EPHA3: variants seen among roughly 807,000 people sequenced by gnomAD.
EPHA3 encodes the protein ephrin type-A receptor 3.
Under a neutral mutation model 107.1 loss-of-function variants are expected in EPHA3, and 42 were observed. That is an observed-to-expected ratio of 0.39 (90% CI 0.31 to 0.51). The LOEUF (loss-of-function observed/expected upper bound fraction) is 0.51. Among genes scored for constraint, EPHA3 ranks in the 20% least tolerant of loss-of-function variants. The probability of loss-of-function intolerance (pLI) is 0.78; values close to 1 mark genes in which losing one functional copy is unlikely to be tolerated. For synonymous variants in EPHA3, 461 were observed against 424.8 expected (o/e 1.09, Z -1.05); for missense variants, 1,183 against 1,211.2 (o/e 0.98, Z 0.35).
At chr3:89,437,252 T>C (rs1405344534) in intron 13 of EPHA3, among the ~76,000 whole-genome samples, 1 of 152,136 alleles carries the variant, frequency 6.6e-6, no homozygotes, top group Non-Finnish European at 1.5e-5. Flanking sequence ...ATCTAAATTA[T>C]GGCATAGTTT....
chr3:89,264,244 A>G (rs546122901), intron 3 of EPHA3, among the ~76,000 whole-genome samples: 79 of 152,248 alleles, frequency 5.2e-4, no homozygotes, highest in Admixed American at 7.8e-4. Flanking sequence ...CAATGCTGGG[A>G]TAAGTATAGG....
At chr3:89,126,922 CT>C (rs1446911759) in intron 1 of EPHA3, among the ~76,000 whole-genome samples, 2 of 151,800 alleles carry the variant, frequency 1.3e-5, no homozygotes, top group East Asian at 1.9e-4. Flanking sequence ...ATTGTTTCCT[CT>C]TTAAACCCAT....
chr3:89,196,371 T>C (rs192550734), intron 2 of EPHA3, among the ~76,000 whole-genome samples: 148 of 152,274 alleles, frequency 9.7e-4, no homozygotes, highest in Non-Finnish European at 1.7e-3. Flanking sequence ...AACACTTAAT[T>C]TTGTTTTGTT....
intron 2 of EPHA3, among the ~76,000 whole-genome samples, chr3:89,171,381 G>T (rs1705205540): frequency 6.6e-6 from 1 of 152,142 alleles, no homozygotes; most frequent in South Asian, 2.1e-4. Context: ...TCTAAAGAAG[G>T]TGATACTGTC....
intron 2 of EPHA3, among the ~76,000 whole-genome samples, chr3:89,200,109 T>A (rs1576224369): frequency 6.6e-6 from 1 of 152,180 alleles, no homozygotes; most frequent in East Asian, 1.9e-4. Flanking sequence ...ATCCTGTCTA[T>A]CTGTGTTATA....
chr3:89,395,737 T>A (rs1708836602), intron 5 of EPHA3, 100 bp from the exon 6 acceptor site: 2 of 1,386,166 alleles, frequency 1.4e-6, no homozygotes, highest in South Asian at 1.4e-5. Flanking sequence ...AATGATAGAC[T>A]CCATTTGCAT....
chr3:89,208,423 G>GAAGGAAGAAAGAAAGA (rs74193305), intron 2 of EPHA3, among the ~76,000 whole-genome samples: 6 of 37,544 alleles, frequency 1.6e-4, no homozygotes, highest in Admixed American at 7.6e-4. Flanking sequence ...AGGAAGGAAG[G>GAAGGAAGAAAGAAAGA]AAGAAAGAAA....
At position 89,108,372 on chromosome 3, in the gene EPHA3, T is replaced by G. The variant is rs150111705; in HGVS notation, c.88+536T>G. Among the ~76,000 whole-genome samples, 265 of 152,292 alleles carry G rather than the reference T, an allele frequency of 1.7e-3. 2 individuals carry two copies. Among genetic ancestry groups the G allele is most frequent in the African/African-American group, 6.0e-3 (248 of 41,550 alleles). ...TGGTGCAAGGGCTGTGTTGAAGTTGTGTGTATCCCGCCAGGCAATGGTTTG... is the reference window on the plus strand; with the variant it reads ...TGGTGCAAGGGCTGTGTTGAAGTTGGGTGTATCCCGCCAGGCAATGGTTTG... On this transcript the variant is annotated intron_variant, in intron 1 of 16. Coordinates refer to ENST00000336596, the MANE Select transcript of EPHA3 (RefSeq NM_005233.6).
intron 2 of EPHA3, among the ~76,000 whole-genome samples, chr3:89,173,081 A>G (rs558991536): frequency 2.0e-5 from 3 of 152,276 alleles, no homozygotes; most frequent in African/African-American, 7.2e-5. Flanking sequence ...AGGTAGAGAT[A>G]GATATACATA....
chr3:89,181,415 T>C (rs1428187359), intron 2 of EPHA3, among the ~76,000 whole-genome samples: 1 of 151,968 alleles, frequency 6.6e-6, no homozygotes, highest in Non-Finnish European at 1.5e-5. Context: ...AGCTCAGTTT[T>C]GTACACTGAT....
intron 5 of EPHA3, among the ~76,000 whole-genome samples, chr3:89,386,073 T>G (rs2107491664): frequency 6.6e-6 from 1 of 152,266 alleles, no homozygotes; most frequent in African/African-American, 2.4e-5. Context: ...AACAATTTTT[T>G]TAGTAGCACA....
chr3:89,199,444 A>G (rs1705917357), intron 2 of EPHA3, among the ~76,000 whole-genome samples: 1 of 152,176 alleles, frequency 6.6e-6, no homozygotes, highest in Non-Finnish European at 1.5e-5. Flanking sequence ...TTCAAATAGC[A>G]CACTTCATTG....
intron 8 of EPHA3, 132 bp downstream of exon 8, chr3:89,407,503 G>C: frequency 1.5e-6 from 1 of 689,500 alleles, no homozygotes; most frequent in Non-Finnish European, 2.4e-6. Flanking sequence ...TTGTAGTTTA[G>C]GTCCTCTCTT....
At chr3:89,214,510 T>G (rs767775933) in intron 3 of EPHA3, among the ~76,000 whole-genome samples, 3 of 152,002 alleles carry the variant, frequency 2.0e-5, no homozygotes, top group Non-Finnish European at 4.4e-5. Context: ...ATGTATTTAA[T>G]GAATGTATAT....
chr3:89,204,930 A>C (rs1207664818), intron 2 of EPHA3, among the ~76,000 whole-genome samples: 1 of 152,198 alleles, frequency 6.6e-6, no homozygotes, highest in Non-Finnish European at 1.5e-5. Flanking sequence ...TACTGGGTGC[A>C]AGATTAATCA....
intron 15 of EPHA3, among the ~76,000 whole-genome samples, chr3:89,467,705 T>C (rs2107570886): frequency 6.6e-6 from 1 of 152,206 alleles, no homozygotes; most frequent in South Asian, 2.1e-4. Context: ...AATGCAACAG[T>C]ATAAAACCCA....
At chr3:89,471,176 G>GAAAA (rs529961766) in intron 15 of EPHA3, among the ~76,000 whole-genome samples, 4 of 144,188 alleles carry the variant, frequency 2.8e-5, no homozygotes, top group Admixed American at 2.1e-4. Flanking sequence ...AAGAGCTGAA[G>GAAAA]AAAAAAAAAA....
chr3:89,442,530 G>A (rs1709804505), intron 13 of EPHA3, among the ~76,000 whole-genome samples: 1 of 152,122 alleles, frequency 6.6e-6, no homozygotes, highest in Non-Finnish European at 1.5e-5. Context: ...TAATCTAGAT[G>A]ACAGCGGCAG....
chr3:89,263,413 C>T (rs941599753), intron 3 of EPHA3, among the ~76,000 whole-genome samples: 1 of 152,272 alleles, frequency 6.6e-6, no homozygotes, highest in Non-Finnish European at 1.5e-5. Context: ...ACACTTGTGG[C>T]TCCCAAGCTC....
Sources: allele counts gnomAD v4.1 joint callset (sites outside exome capture counted in the v4.1 genomes callset), GRCh38; gene constraint gnomAD v4.1.1; transcripts MANE v1.5; gene names NCBI Gene and HGNC (gene_info 2026-07-23, HGNC 2026-07-21).